The following ENTPD6 variants were observed in gnomAD, a reference collection of about 807,000 sequenced individuals.
ENTPD6 encodes ectonucleoside triphosphate diphosphohydrolase 6.
Under a neutral mutation model 61.5 loss-of-function variants are expected in ENTPD6, and 46 were observed. The observed-to-expected ratio is 0.75, with a 90% confidence interval of 0.59 to 0.96. The LOEUF (loss-of-function observed/expected upper bound fraction) is 0.96. Ranked by LOEUF, ENTPD6 falls within the 40% of genes least tolerant of loss-of-function variation. ENTPD6 has a pLI of 0.00. For missense variants in ENTPD6, 612 were observed against 629.0 expected (o/e 0.97, Z 0.29); for synonymous variants, 252 against 255.5 (o/e 0.99, Z 0.13).
At position 25,207,071 on chromosome 20, in the gene ENTPD6, A is replaced by C. The variant is rs1600540790; in HGVS notation, c.55-5A>C. On this transcript the variant is annotated splice_polypyrimidine_tract_variant and splice_region_variant and intron_variant, in intron 2 of 14. Transcript: ENST00000376652. ...CTTTTCCTGCCTCTCCCCCCTTCCC[A>C]CCAGCAGCCGCAGCACGGTCCTTGG... 13 of 1,593,896 alleles carry C rather than the reference A, an allele frequency of 8.2e-6. No homozygotes were observed. The highest frequency in any genetic ancestry group is 1.1e-5 in the Non-Finnish European group (13 of 1,165,252).
chr20:25,209,235 G>T (rs879543194), intron 3 of ENTPD6, among the ~76,000 whole-genome samples: 2 of 151,560 alleles, frequency 1.3e-5, no homozygotes, highest in Admixed American at 1.3e-4. Context: ...TCAGCCTCCC[G>T]AGTAGCTGGG....
chr20:25,211,413 G>A (rs8122855), intron 4 of ENTPD6, among the ~76,000 whole-genome samples: 42,178 of 152,126 alleles, frequency 0.28, 6,632 homozygotes, highest in East Asian at 0.61. Flanking sequence ...CCCCAGGGTA[G>A]TAGCACAGAT....
intron 9 of ENTPD6, among the ~76,000 whole-genome samples, 193 bp from the exon 10 acceptor site, chr20:25,218,357 G>T (rs1007926203): frequency 6.6e-6 from 1 of 152,188 alleles, no homozygotes; most frequent in African/African-American, 2.4e-5. Context: ...CATATGATAG[G>T]CCCTCGTGTG....
intron 11 of ENTPD6, 33 bp from the exon 12 acceptor site, chr20:25,222,805 C>G: frequency 6.2e-7 from 1 of 1,609,030 alleles, no homozygotes; most frequent in Non-Finnish European, 8.5e-7. Context: ...GTGCTCGGAG[C>G]CCACTGACCG....
intron 1 of ENTPD6, 85 bp downstream of exon 1, chr20:25,195,952 C>G: frequency 9.0e-7 from 1 of 1,117,156 alleles, no homozygotes; most frequent in Non-Finnish European, 1.1e-6. Flanking sequence ...GCGCTGCGCT[C>G]CGGAGGACGG....
chr20:25,211,043 C>T (rs2091928391), intron 4 of ENTPD6, among the ~76,000 whole-genome samples: 1 of 152,204 alleles, frequency 6.6e-6, no homozygotes, highest in Non-Finnish European at 1.5e-5. Context: ...AGCATTGCTA[C>T]TTCTATCTAA....
At chr20:25,222,649 G>T (rs981875383) in intron 11 of ENTPD6, 189 bp from the exon 12 acceptor site, 2 of 630,464 alleles carry the variant, frequency 3.2e-6, no homozygotes, top group Non-Finnish European at 5.2e-6. Flanking sequence ...CAATGCCCTG[G>T]CTCCTGAGGG....
chr20:25,225,430 C>T, intron 14 of ENTPD6, 69 bp from the exon 15 acceptor site: 6 of 1,580,210 alleles, frequency 3.8e-6, no homozygotes, highest in East Asian at 2.2e-5. Flanking sequence ...TCCAAGGAGC[C>T]ACAGCCTCCT....
At chr20:25,223,345 A>T (rs955292761) in intron 12 of ENTPD6, among the ~76,000 whole-genome samples, 11 of 151,972 alleles carry the variant, frequency 7.2e-5, no homozygotes, top group African/African-American at 2.4e-4. Flanking sequence ...CATGGGAGGG[A>T]TCAGCTCACT....
chr20:25,211,973 T>C (rs1269974663), intron 4 of ENTPD6, among the ~76,000 whole-genome samples: 1 of 152,120 alleles, frequency 6.6e-6, no homozygotes, highest in African/African-American at 2.4e-5. Flanking sequence ...AATGCCCAGC[T>C]AATGTTTAAA....
intron 3 of ENTPD6, among the ~76,000 whole-genome samples, chr20:25,207,718 G>A (rs2091631080): frequency 6.6e-6 from 1 of 152,204 alleles, no homozygotes; most frequent in African/African-American, 2.4e-5. Flanking sequence ...TTTGTGGGGA[G>A]TTCAGGCAGG....
Position 25,217,547 on chromosome 20 carries a change from A to T in ENTPD6, c.844A>T (p.Met282Leu). ...SPPGYLTALR[M>L]FNRTYKLYSY... ...ACCCGGCTACCTGACGGCACTGCGG[A>T]TGTTTAACAGGACCTACAAGCTCTA... The change falls in exon 9 of 15, where the codon ATG becomes TTG. Residue 282 changes from methionine to leucine, a missense_variant. Transcript: ENST00000376652. 2 of 1,614,106 alleles carry T rather than the reference A, an allele frequency of 1.2e-6. No homozygotes were observed. Among genetic ancestry groups the T allele is most frequent in the South Asian group, 1.1e-5 (1 of 91,082 alleles).
chr20:25,223,018 G>A, intron 12 of ENTPD6, 40 bp downstream of exon 12: 17 of 1,563,848 alleles, frequency 1.1e-5, no homozygotes, highest in Non-Finnish European at 1.5e-5. Context: ...AGGTCGGGGC[G>A]GCAGGGGGCG....
intron 12 of ENTPD6, 110 bp downstream of exon 12, chr20:25,223,088 G>A: frequency 7.8e-7 from 1 of 1,285,382 alleles, no homozygotes; most frequent in Non-Finnish European, 1.1e-6. Context: ...CAACCCTGTT[G>A]TCACATCCCT....
At chr20:25,216,758 A>AGCG (rs1231438368) in intron 8 of ENTPD6, 22 bp downstream of exon 8, 2 of 1,519,382 alleles carry the variant, frequency 1.3e-6, no homozygotes, top group Non-Finnish European at 1.8e-6. Context: ...TGCCGACCAC[A>AGCG]GCGCTCTTTC....
Position 25,225,287 on chromosome 20 carries a change from G to C in ENTPD6, c.1326G>C (p.Glu442Asp). 4 of 1,613,390 alleles carry C rather than the reference G, an allele frequency of 2.5e-6. No homozygotes were observed. Among genetic ancestry groups the C allele is most frequent in the Non-Finnish European group, 3.4e-6 (4 of 1,179,962 alleles). ...CCTACGTCAGCCTGCTACTCCAGGA[G>C]TTCGGCTTTCCCAGGAGCAAAGTGC... ...DLTYVSLLLQ[E>D]FGFPRSKVLK... is the part of the protein sequence containing the mutation. The change falls in exon 14 of 15, where the codon GAG (glutamate) becomes GAC (aspartate). Residue 442 changes from glutamate (E) to aspartate (D), a missense_variant. Glu to Asp is a conservative substitution (Grantham distance 45). Transcript: ENST00000376652.
At position 25,226,907 on chromosome 20, in the gene ENTPD6, T is replaced by C. The variant is rs1600705212; in HGVS notation, c.*1310T>C. Reference sequence around the variant, plus strand: ...TGGGGCTGGTGAAGGGTCTGGCTGGTGGCCCCGGCCCTCCCAGCGTCTGTT... The same window carrying C: ...TGGGGCTGGTGAAGGGTCTGGCTGGCGGCCCCGGCCCTCCCAGCGTCTGTT... On this transcript the variant is annotated 3_prime_UTR_variant, in exon 15 of 15. Coordinates refer to ENST00000376652, the MANE Select transcript of ENTPD6 (RefSeq NM_001247.5). Among the ~76,000 whole-genome samples, 1 of 152,170 alleles carries C rather than the reference T, an allele frequency of 6.6e-6. No individual in the cohort carries two copies. The highest frequency in any genetic ancestry group is 1.5e-5 in the Non-Finnish European group (1 of 68,012).
intron 6 of ENTPD6, among the ~76,000 whole-genome samples, chr20:25,215,208 A>G (rs2092248136): frequency 1.3e-5 from 2 of 152,216 alleles, no homozygotes; most frequent in African/African-American, 4.8e-5. Flanking sequence ...AAGCTTCTAA[A>G]AACATTGTGT....
chr20:25,201,035 T>G (rs936317145), intron 1 of ENTPD6, among the ~76,000 whole-genome samples: 1 of 152,254 alleles, frequency 6.6e-6, no homozygotes, highest in Admixed American at 6.5e-5. Context: ...TCAAGGTATT[T>G]TCTAATTTTC....
Sources: gnomAD v4.1 joint callset for allele counts (sites outside exome capture counted in the v4.1 genomes callset) on GRCh38, gnomAD v4.1.1 for gene constraint, MANE v1.5 for transcripts, NCBI Gene and HGNC (gene_info 2026-07-23, HGNC 2026-07-21) for gene names.